PZP: variants seen among roughly 807,000 people sequenced by gnomAD.
The protein encoded by PZP is PZP alpha-2-macroglobulin like, also known as pregnancy zone protein.
In PZP, 150 loss-of-function variants were observed where a neutral mutation model predicts 179.8. The ratio of observed to expected loss-of-function variants is 0.83; its 90% CI spans 0.73 to 0.96. PZP has a LOEUF of 0.96. Among genes scored for constraint, PZP ranks in the 40% least tolerant of loss-of-function variants. The pLI is 0.00. For missense variants in PZP, 1,689 were observed against 1,764.0 expected, an observed-to-expected ratio of 0.96 and a Z score of 0.76; for synonymous variants, 624 against 652.3, an observed-to-expected ratio of 0.96 and a Z score of 0.66.
Position 9,152,873 on chromosome 12 carries a change from A to C in PZP, c.4072T>G (p.Cys1358Gly). 6.2e-7 allele frequency: 1 copy of C among 1,614,100 alleles called. No homozygotes were observed. The highest frequency in any genetic ancestry group is 8.5e-7 in the Non-Finnish European group (1 of 1,179,986). ...CTGGTGTGGGCTTTGTGTCCATCGC[A>C]AGTTTGGGGCACAGTCTGCACTTTT... Reference protein sequence around the residue: ...ALKVQTVPQTCDGHKAHTSFQ... With the variant: ...ALKVQTVPQTGDGHKAHTSFQ... Residue 1358 changes from cysteine to glycine, a missense_variant, in exon 31 of 36, where the codon TGC (cysteine) becomes GGC (glycine). By Grantham distance (159) the Cys-to-Gly change is radical. This residue lies in a region of PZP where 746 missense variants were observed against 749.2 expected (regional missense o/e 1.00). Coordinates refer to ENST00000261336, the MANE Select transcript of PZP (RefSeq NM_002864.3).
At chr12:9,148,701 C>T, downstream of PZP, 1 of 376,448 alleles carries the variant, frequency 2.7e-6, no homozygotes, top group Non-Finnish European at 4.7e-6. Flanking sequence ...ATTTCTTTAC[C>T]TGCAACCTCC....
chr12:9,187,112 T>C (rs988538275), intron 13 of PZP, among the ~76,000 whole-genome samples: 2 of 134,146 alleles, frequency 1.5e-5, no homozygotes, highest in Non-Finnish European at 3.2e-5. Flanking sequence ...AATTGCATAA[T>C]GGTAAAGGGT....
intron 7 of PZP, among the ~76,000 whole-genome samples, chr12:9,197,624 A>G (rs1189131556): frequency 1.2e-5 from 1 of 82,024 alleles, no homozygotes; most frequent in Non-Finnish European, 2.1e-5. Context: ...ATATTTATAT[A>G]TTATATTATA....
At chr12:9,199,007 T>C (rs1944000530) in intron 7 of PZP, among the ~76,000 whole-genome samples, 1 of 152,146 alleles carries the variant, frequency 6.6e-6, no homozygotes, top group Non-Finnish European at 1.5e-5. Flanking sequence ...TAAAAGGAAC[T>C]GTAAGAGGTA....
At chr12:9,136,803 A>G in the PZP span, among the ~76,000 whole-genome samples, 1 of 151,982 alleles carries the variant, frequency 6.6e-6, no homozygotes, top group Non-Finnish European at 1.5e-5. Flanking sequence ...TCATATACCT[A>G]TTGGCCATTT....
chr12:9,198,291 A>G (rs1362658189), intron 7 of PZP, among the ~76,000 whole-genome samples: 1 of 152,000 alleles, frequency 6.6e-6, no homozygotes, highest in Non-Finnish European at 1.5e-5. Flanking sequence ...GTTTGAGGCT[A>G]CAGTGAGCTA....
Position 9,152,738 on chromosome 12 carries a change from A to G in PZP, c.4121+86T>C, listed in dbSNP as rs149503886. 3 of 1,390,072 alleles carry G rather than the reference A, an allele frequency of 2.2e-6. No individual in the cohort carries two copies. The East Asian group carries it at 7.0e-5, about 32-fold the overall frequency. The allele number at this position is 1,390,072 out of a possible 1,614,324, so 86.1% of individuals were successfully genotyped here. A position where few individuals can be genotyped will look rare whatever the true frequency, so the allele number is the denominator to read the frequency against. The stretch of plus-strand genomic sequence containing the variant: ...AATTCTAAATTATATTAATCTAATA[A>G]CATAGCTTCCAAATGGACTATTAAT... On this transcript the variant is annotated intron_variant, in intron 31 of 35. Transcript: ENST00000261336.
At chr12:9,159,761 G>A (rs959766192) in intron 25 of PZP, among the ~76,000 whole-genome samples, 177 bp downstream of exon 25, 22 of 151,254 alleles carry the variant, frequency 1.5e-4, no homozygotes, top group African/African-American at 2.2e-4. Context: ...AACTAGATGC[G>A]GCCCCTAGAC....
At chr12:9,144,772 C>A (rs948872348), downstream of PZP, among the ~76,000 whole-genome samples, 2 of 152,098 alleles carry the variant, frequency 1.3e-5, no homozygotes, top group African/African-American at 4.8e-5. Flanking sequence ...TTGGGGCTGA[C>A]ATCTCTCTGG....
chr12:9,140,157 G>T, the PZP span, among the ~76,000 whole-genome samples: 5 of 152,204 alleles, frequency 3.3e-5, no homozygotes, highest in African/African-American at 9.7e-5. Flanking sequence ...GCCCTTTGGG[G>T]CAGTTTTTGG....
chr12:9,197,919 T>C (rs970204266), intron 7 of PZP, among the ~76,000 whole-genome samples: 2 of 128,660 alleles, frequency 1.6e-5, no homozygotes, highest in Non-Finnish European at 1.6e-5. Context: ...ATATTATATA[T>C]TATATAAGTT....
intron 15 of PZP, among the ~76,000 whole-genome samples, chr12:9,173,444 G>C (rs747627371): frequency 1.3e-5 from 2 of 151,974 alleles, no homozygotes; most frequent in Non-Finnish European, 2.9e-5. Flanking sequence ...AAACCCCAAA[G>C]CTAGCAGAAG....
At position 9,181,907 on chromosome 12, in the gene PZP, G is replaced by C; in HGVS notation, c.1689+68C>G. 1.5e-5 allele frequency: 23 copies of C among 1,523,416 alleles called. No homozygotes were observed. The South Asian group carries it at 2.9e-4, about 19-fold the overall frequency. 94.4% of individuals were successfully genotyped at this position (1,523,416 alleles called of 1,614,324 possible). A position where few individuals can be genotyped will look rare whatever the true frequency, so the allele number is the denominator to read the frequency against. On this transcript the variant is annotated intron_variant, in intron 14 of 35. Coordinates refer to ENST00000261336, the MANE Select transcript of PZP (RefSeq NM_002864.3). Reference sequence around the variant, plus strand: ...ACTTTTCTGGACTTAGTTTTCTCTGGGGTAAAATAGATGGCACCTACAGTA... The same window carrying C: ...ACTTTTCTGGACTTAGTTTTCTCTGCGGTAAAATAGATGGCACCTACAGTA...
chr12:9,187,284 A>G (rs1184503208), intron 13 of PZP, among the ~76,000 whole-genome samples: 1 of 152,114 alleles, frequency 6.6e-6, no homozygotes, highest in Non-Finnish European at 1.5e-5. Flanking sequence ...TAGACAGATC[A>G]TCAAGGCAGA....
At chr12:9,184,135 A>ATG (rs754688473) in intron 13 of PZP, among the ~76,000 whole-genome samples, 2 of 152,280 alleles carry the variant, frequency 1.3e-5, no homozygotes, top group African/African-American at 4.8e-5. Context: ...TTGCCAACAC[A>ATG]TGTGTGTGTG....
Position 9,162,071 on chromosome 12 carries a change from C to T in PZP, c.2788+526G>A, listed in dbSNP as rs762409845. Among the ~76,000 whole-genome samples the T allele has an allele frequency of 1.3e-3, 192 of 152,258 alleles. 3 individuals are homozygous for T. The highest frequency in any genetic ancestry group is 0.011 in the East Asian group (55 of 5,176). On this transcript the variant is annotated intron_variant, in intron 22 of 35. Transcript: ENST00000261336. ...CCCCCTGCCCGGCTCAAGCGATTCT[C>T]GTGCCCCAGCCCCCCATGTAGCTGG...
chr12:9,150,513 T>C, intron 34 of PZP, 131 bp downstream of exon 34: 1 of 623,226 alleles, frequency 1.6e-6, no homozygotes, highest in South Asian at 2.1e-5. Context: ...AAGTCGTTTT[T>C]ATAGTGTACA....
intron 6 of PZP, 61 bp from the exon 7 acceptor site, chr12:9,200,509 A>C (rs1343776546): frequency 7.7e-7 from 1 of 1,291,648 alleles, no homozygotes; most frequent in South Asian, 1.3e-5. Context: ...AATACAAATA[A>C]TTTCAGTATG....
At position 9,182,060 on chromosome 12, in the gene PZP, C is replaced by A. The variant is rs183830886; in HGVS notation, c.1604G>T (p.Arg535Leu). Residue 535 changes from arginine (R) to leucine (L), a missense_variant, in exon 14 of 36, where the codon CGA (arginine) becomes CTA (leucine). By Grantham distance (102) the Arg-to-Leu change is moderately radical. This residue lies in a region of PZP where 742 missense variants were observed against 730.5 expected (regional missense o/e 1.02). Transcript: ENST00000261336. ...PVESDVAPIA[R>L]MFIFAILPDG... ...TGGTAAAATGGCAAAGATGAACATT[C>A]GTGCAATGGGGGCAACGTCTGACTC... 3 of 1,613,640 alleles carry A rather than the reference C, an allele frequency of 1.9e-6. No individual in the cohort carries two copies. The highest frequency in any genetic ancestry group is 2.5e-6 in the Non-Finnish European group (3 of 1,179,792).
Sources: allele counts gnomAD v4.1 joint callset (sites outside exome capture counted in the v4.1 genomes callset), GRCh38; gene constraint gnomAD v4.1.1; regional missense constraint gnomAD v4.1.1; transcripts MANE v1.5; gene names NCBI Gene and HGNC (gene_info 2026-07-23, HGNC 2026-07-21).